The following DACH1 variants were observed in gnomAD, a reference collection of about 807,000 sequenced individuals.
The protein encoded by DACH1 is dachshund family transcription factor 1, also known as dachshund homolog 1.
In DACH1, 12 loss-of-function variants were observed where a neutral mutation model predicts 54.2. That is an observed-to-expected ratio of 0.22 (90% confidence interval 0.14 to 0.36). The LOEUF (loss-of-function observed/expected upper bound fraction) is 0.36. DACH1 is among the 10% of genes least tolerant of loss of function. The pLI is 1.00. For synonymous variants in DACH1, 386 were observed against 366.2 expected (o/e 1.05, Z -0.62); for missense variants, 805 against 929.8 (o/e 0.87, Z 1.75).
At chr13:71,537,771 C>A (rs980548560) in intron 6 of DACH1, among the ~76,000 whole-genome samples, 1 of 151,980 alleles carries the variant, frequency 6.6e-6, no homozygotes, top group African/African-American at 2.4e-5. Context: ...CCATGAGGTG[C>A]CTTGTTGTCT....
intron 6 of DACH1, among the ~76,000 whole-genome samples, chr13:71,537,942 G>T (rs951556586): frequency 9.2e-5 from 14 of 151,986 alleles, no homozygotes; most frequent in African/African-American, 3.4e-4. Flanking sequence ...GAGCCATGTA[G>T]ATATTTTCTC....
At chr13:71,566,048 A>G (rs1327082368) in intron 4 of DACH1, among the ~76,000 whole-genome samples, 1 of 152,132 alleles carries the variant, frequency 6.6e-6, no homozygotes, top group Non-Finnish European at 1.5e-5. Flanking sequence ...AACAGCAAGG[A>G]AAAAAAGGTA....
chr13:71,865,016 CGA>C (rs1387289855), intron 1 of DACH1, among the ~76,000 whole-genome samples: 2 of 152,244 alleles, frequency 1.3e-5, no homozygotes, highest in Admixed American at 1.3e-4. Context: ...AAAGAGAGAT[CGA>C]GAGAGAGCGC....
chr13:71,864,216 A>C (rs1003795229), intron 1 of DACH1, among the ~76,000 whole-genome samples: 1 of 117,748 alleles, frequency 8.5e-6, no homozygotes, highest in African/African-American at 3.8e-5. Context: ...CACACACACA[A>C]CATTTACCCC....
intron 1 of DACH1, among the ~76,000 whole-genome samples, chr13:71,815,758 A>C (rs1887890311): frequency 6.6e-6 from 1 of 152,224 alleles, no homozygotes; most frequent in Non-Finnish European, 1.5e-5. Context: ...CTATGTCAAC[A>C]TAAAAGAAGG....
intron 3 of DACH1, among the ~76,000 whole-genome samples, chr13:71,623,574 C>T (rs1259631312): frequency 6.6e-6 from 1 of 151,500 alleles, no homozygotes; most frequent in African/African-American, 2.4e-5. Context: ...CTTAAGGATG[C>T]CTTGTTTTGG....
At chr13:71,631,189 A>G (rs1877074490) in intron 2 of DACH1, among the ~76,000 whole-genome samples, 1 of 152,120 alleles carries the variant, frequency 6.6e-6, no homozygotes, top group Non-Finnish European at 1.5e-5. Flanking sequence ...CCCATACATG[A>G]CCTGCATCTT....
intron 3 of DACH1, among the ~76,000 whole-genome samples, chr13:71,590,700 G>A (rs1873637932): frequency 6.6e-6 from 1 of 151,834 alleles, no homozygotes; most frequent in Non-Finnish European, 1.5e-5. Context: ...TATAAGAATG[G>A]GGGAAAAATA....
chr13:71,626,043 A>G (rs1876621604), intron 3 of DACH1, among the ~76,000 whole-genome samples: 3 of 151,940 alleles, frequency 2.0e-5, no homozygotes, highest in Admixed American at 1.3e-4. Context: ...AACTGTATAC[A>G]TAGTGTTTTC....
intron 1 of DACH1, among the ~76,000 whole-genome samples, chr13:71,780,627 C>CA (rs1886331042): frequency 6.7e-6 from 1 of 149,118 alleles, no homozygotes; most frequent in Non-Finnish European, 1.5e-5. Context: ...GTCTGGGCGA[C>CA]AGAGAGAGAC....
chr13:71,543,242 C>T (rs1219960370), intron 6 of DACH1, among the ~76,000 whole-genome samples: 1 of 152,090 alleles, frequency 6.6e-6, no homozygotes, highest in Non-Finnish European at 1.5e-5. Context: ...GTAATTGCAT[C>T]ACTTTTGGTC....
At chr13:71,865,403 C>T (rs2138305337) in intron 1 of DACH1, among the ~76,000 whole-genome samples, 1 of 152,274 alleles carries the variant, frequency 6.6e-6, no homozygotes, top group African/African-American at 2.4e-5. Context: ...GAGCGCGTCT[C>T]CCCGCTCCCC....
intron 1 of DACH1, among the ~76,000 whole-genome samples, chr13:71,763,753 CATTAAA>C (rs1885499186): frequency 1.3e-5 from 2 of 152,204 alleles, no homozygotes; most frequent in South Asian, 4.1e-4. Context: ...TTTAATCGAT[CATTAAA>C]ATTAAAGTAG....
At chr13:71,756,470 CT>C (rs1885162503) in intron 1 of DACH1, among the ~76,000 whole-genome samples, 2 of 151,636 alleles carry the variant, frequency 1.3e-5, no homozygotes, top group South Asian at 4.1e-4. Context: ...ATTCAACATT[CT>C]CAGAATATTG....
At chr13:71,856,875 C>T (rs1019340251) in intron 1 of DACH1, among the ~76,000 whole-genome samples, 2 of 151,898 alleles carry the variant, frequency 1.3e-5, no homozygotes, top group African/African-American at 4.8e-5. Context: ...TGTAGACCTG[C>T]AGATTAACCC....
At chr13:71,471,937 A>G (rs1877120898) in intron 10 of DACH1, among the ~76,000 whole-genome samples, 1 of 152,052 alleles carries the variant, frequency 6.6e-6, no homozygotes, top group African/African-American at 2.4e-5. Flanking sequence ...TTTGAGGGAT[A>G]TTTACTGACT....
intron 1 of DACH1, among the ~76,000 whole-genome samples, chr13:71,783,221 T>A (rs1331500870): frequency 4.6e-5 from 7 of 152,154 alleles, no homozygotes; most frequent in Non-Finnish European, 8.8e-5. Context: ...CTGTATTAGA[T>A]CCATAGTGAT....
intron 6 of DACH1, among the ~76,000 whole-genome samples, chr13:71,495,674 G>A (rs1879347696): frequency 1.3e-5 from 2 of 151,834 alleles, no homozygotes; most frequent in African/African-American, 4.8e-5. Flanking sequence ...TATTGATGAG[G>A]GTGTAAAGGA....
At chr13:71,658,764 T>C in intron 2 of DACH1, among the ~76,000 whole-genome samples, 1 of 152,182 alleles carries the variant, frequency 6.6e-6, no homozygotes, top group East Asian at 1.9e-4. Context: ...TGCTGGAATA[T>C]TTTTATTTTG....
Sources: allele counts gnomAD v4.1 joint callset (sites outside exome capture counted in the v4.1 genomes callset), GRCh38; gene constraint gnomAD v4.1.1; transcripts MANE v1.5; gene names NCBI Gene and HGNC (gene_info 2026-07-23, HGNC 2026-07-21).